Variants in WIPF1 observed in about 807,000 individuals in gnomAD.
WIPF1 encodes the protein WAS/WASL interacting protein family member 1, also known as WAS/WASL-interacting protein family member 1.
In WIPF1, 13 loss-of-function variants were observed where a neutral mutation model predicts 35.4. The ratio of observed to expected loss-of-function variants is 0.37; its 90% CI spans 0.24 to 0.58. WIPF1 has a LOEUF of 0.58. Ranked by LOEUF, WIPF1 falls within the 20% of genes least tolerant of loss-of-function variation. The pLI is 0.74. For synonymous variants in WIPF1, 267 were observed against 266.3 expected (o/e 1.00, Z -0.02); for missense variants, 591 against 667.0 (o/e 0.89, Z 1.25).
At chr2:174,642,219 C>G (rs1201317357) in intron 1 of WIPF1, among the ~76,000 whole-genome samples, 1 of 152,194 alleles carries the variant, frequency 6.6e-6, no homozygotes, top group African/African-American at 2.4e-5. Flanking sequence ...TCCATTCTCA[C>G]TGCAGCAGCT....
At chr2:174,578,897 A>T (rs1458804751) in intron 3 of WIPF1, among the ~76,000 whole-genome samples, 3 of 152,254 alleles carry the variant, frequency 2.0e-5, no homozygotes, top group Non-Finnish European at 4.4e-5. Context: ...CGCCCTTGTC[A>T]TTCAAACACT....
At chr2:174,652,798 A>C (rs915548591) in intron 1 of WIPF1, among the ~76,000 whole-genome samples, 13 of 151,854 alleles carry the variant, frequency 8.6e-5, no homozygotes, top group South Asian at 2.1e-4. Context: ...ATTTAAAAAA[A>C]AAAAAAAAAC....
chr2:174,620,226 A>G (rs748219317), intron 1 of WIPF1, among the ~76,000 whole-genome samples: 1 of 152,216 alleles, frequency 6.6e-6, no homozygotes, highest in Non-Finnish European at 1.5e-5. Flanking sequence ...AGCTTCAGTG[A>G]ATATCTAAGG....
chr2:174,681,961 C>G (rs1688255963), intron 1 of WIPF1, among the ~76,000 whole-genome samples: 2 of 152,356 alleles, frequency 1.3e-5, no homozygotes, highest in African/African-American at 4.8e-5. Context: ...ATTTAGAGCT[C>G]TTTGCGATTA....
chr2:174,672,732 A>G (rs1379975728), intron 1 of WIPF1, among the ~76,000 whole-genome samples: 3 of 152,202 alleles, frequency 2.0e-5, no homozygotes, highest in Non-Finnish European at 4.4e-5. Context: ...GCTGGCCACC[A>G]TCTTCTCCCT....
chr2:174,681,846 G>A (rs1204164687), intron 1 of WIPF1, among the ~76,000 whole-genome samples: 1 of 152,176 alleles, frequency 6.6e-6, no homozygotes, highest in East Asian at 1.9e-4. Context: ...TACTCCATCG[G>A]GATTTAAGCA....
rs559025819 is a variant in WIPF1, at chr2:174,573,675, G to A, written c.359-1229C>T. 5.9e-5 allele frequency among the ~76,000 whole-genome samples: 9 copies of A among 152,198 alleles called. No homozygotes were observed. The South Asian group carries it at 1.9e-3, about 32-fold the overall frequency. Reference sequence around the variant, plus strand: ...AGCAGGTGCAGAGGCCCTGAGGTGGGAAAGAGCTTCAAGTTCAAAAACGGG... The same window carrying A: ...AGCAGGTGCAGAGGCCCTGAGGTGGAAAAGAGCTTCAAGTTCAAAAACGGG... On this transcript the variant is annotated intron_variant, in intron 4 of 7. Transcript: ENST00000679041.
At chr2:174,675,509 A>G (rs1421369637) in intron 1 of WIPF1, among the ~76,000 whole-genome samples, 2 of 151,994 alleles carry the variant, frequency 1.3e-5, no homozygotes, top group Non-Finnish European at 2.9e-5. Context: ...GGCATATGCC[A>G]CCATGCCTGG....
intron 3 of WIPF1, among the ~76,000 whole-genome samples, chr2:174,575,757 G>A (rs986573759): frequency 6.6e-6 from 1 of 152,042 alleles, no homozygotes; most frequent in South Asian, 2.1e-4. Flanking sequence ...TGGGAGGATC[G>A]CTTGAGCCAG....
intron 5 of WIPF1, among the ~76,000 whole-genome samples, chr2:174,569,728 A>AGAG (rs1684772724): frequency 6.6e-6 from 1 of 152,194 alleles, no homozygotes; most frequent in African/African-American, 2.4e-5. Context: ...TTCTTATAAC[A>AGAG]ACTCTGAGAG....
intron 1 of WIPF1, among the ~76,000 whole-genome samples, chr2:174,649,705 C>T (rs1385412574): frequency 6.6e-6 from 1 of 152,146 alleles, no homozygotes; most frequent in Non-Finnish European, 1.5e-5. Flanking sequence ...CTCGTAAGTA[C>T]AATAAATGTT....
chr2:174,568,345 T>A (rs541219531), intron 5 of WIPF1, among the ~76,000 whole-genome samples: 136 of 152,298 alleles, frequency 8.9e-4, no homozygotes, highest in African/African-American at 3.1e-3. Context: ...ACAGTGAAAT[T>A]GAAAACAGGT....
At chr2:174,671,395 T>C (rs755540651) in intron 1 of WIPF1, among the ~76,000 whole-genome samples, 1 of 152,192 alleles carries the variant, frequency 6.6e-6, no homozygotes, top group Non-Finnish European at 1.5e-5. Context: ...GACCCTGTGA[T>C]GATTGCATTA....
chr2:174,595,109 A>AAAAAAAATATAT (rs1553529785), intron 1 of WIPF1, among the ~76,000 whole-genome samples: 6 of 57,744 alleles, frequency 1.0e-4, no homozygotes, highest in Admixed American at 2.8e-4. Flanking sequence ...AAAAAAAAAA[A>AAAAAAAATATAT]ATATATATAT....
upstream of WIPF1, among the ~76,000 whole-genome samples, chr2:174,601,944 C>A (rs965151081): frequency 1.1e-4 from 17 of 152,190 alleles, no homozygotes; most frequent in Admixed American, 1.1e-3. Context: ...TACCTCCTTT[C>A]TGTAAGTACA....
At chr2:174,617,213 G>A (rs887389690) in intron 1 of WIPF1, among the ~76,000 whole-genome samples, 1 of 152,130 alleles carries the variant, frequency 6.6e-6, no homozygotes, top group East Asian at 1.9e-4. Flanking sequence ...TCCAAGCTCT[G>A]CAGTTTCTGC....
At chr2:174,564,588 T>C (rs531960635) in intron 7 of WIPF1, among the ~76,000 whole-genome samples, 2 of 152,050 alleles carry the variant, frequency 1.3e-5, no homozygotes, top group Non-Finnish European at 2.9e-5. Context: ...TAAAGGAGGA[T>C]GGGAGAAGAT....
intron 1 of WIPF1, among the ~76,000 whole-genome samples, chr2:174,597,206 C>A (rs1685847827): frequency 6.6e-6 from 1 of 152,190 alleles, no homozygotes. Context: ...CCAATGGCTC[C>A]TTGTACTTTA....
At chr2:174,585,699 C>T in intron 1 of WIPF1, 88 bp from the exon 2 acceptor site, 1 of 881,896 alleles carries the variant, frequency 1.1e-6, no homozygotes, top group Non-Finnish European at 1.8e-6. Context: ...AAAGTGACAG[C>T]TCCACCTAGC....
Sources: allele counts gnomAD v4.1 joint callset (sites outside exome capture counted in the v4.1 genomes callset), GRCh38; gene constraint gnomAD v4.1.1; transcripts MANE v1.5; gene names NCBI Gene and HGNC (gene_info 2026-07-23, HGNC 2026-07-21).